METTL8: variants seen among roughly 807,000 people sequenced by gnomAD.
METTL8 encodes tRNA N(3)-cytidine methyltransferase METTL8, mitochondrial.
METTL8 carries 32 observed loss-of-function variants against 48.7 expected under a neutral mutation model. The observed-to-expected ratio is 0.66, with a 90% CI of 0.50 to 0.88. The LOEUF is 0.88. METTL8 is among the 40% of genes least tolerant of loss of function. The pLI, the probability that METTL8 is intolerant of heterozygous loss-of-function variation, is 0.00. For missense variants in METTL8, 464 were observed against 474.4 expected (o/e 0.98, Z 0.20); for synonymous variants, 136 against 157.1 (o/e 0.87, Z 1.01).
chr2:171,332,169 A>T (rs1685606014), intron 5 of METTL8: 2 of 235,334 alleles, frequency 8.5e-6, no homozygotes, highest in African/African-American at 4.5e-5. Flanking sequence ...TATAGGTGTG[A>T]GCCACTGTGC....
At chr2:171,391,878 G>C (rs1487703084) in intron 2 of METTL8, among the ~76,000 whole-genome samples, 165 bp downstream of exon 2, 1 of 152,178 alleles carries the variant, frequency 6.6e-6, no homozygotes, top group Non-Finnish European at 1.5e-5. Flanking sequence ...ATGAAATTCA[G>C]AATCAGCAAC....
intron 5 of METTL8, among the ~76,000 whole-genome samples, chr2:171,333,143 G>A (rs900538654): frequency 2.7e-5 from 4 of 149,148 alleles, no homozygotes; most frequent in Admixed American, 2.0e-4. Context: ...TTGTTGCCCA[G>A]GCTGGAGTGC....
intron 2 of METTL8, among the ~76,000 whole-genome samples, chr2:171,387,283 C>G (rs1219974260): frequency 2.0e-5 from 3 of 152,148 alleles, no homozygotes; most frequent in Non-Finnish European, 4.4e-5. Context: ...AGCCCCACAG[C>G]CTGCCCATCT....
At chr2:171,325,939 G>C (rs1684905410) in intron 8 of METTL8, 33 bp from the exon 9 acceptor site, 3 of 1,467,840 alleles carry the variant, frequency 2.0e-6, no homozygotes, top group South Asian at 1.2e-5. Flanking sequence ...AAACTCTTAA[G>C]GGTATTCCTT....
At chr2:171,394,510 T>G (rs919888072) in intron 1 of METTL8, among the ~76,000 whole-genome samples, 11 of 152,004 alleles carry the variant, frequency 7.2e-5, no homozygotes, top group African/African-American at 2.7e-4. Flanking sequence ...GTCAGAGAAA[T>G]GTGAATCTTG....
intron 2 of METTL8, among the ~76,000 whole-genome samples, chr2:171,385,249 TA>T (rs922693935): frequency 2.0e-5 from 3 of 147,140 alleles, no homozygotes; most frequent in South Asian, 2.1e-4. Flanking sequence ...CCCCCCTCTC[TA>T]AAAAAAATAA....
chr2:171,431,314 G>C (rs1198593441), intron 1 of METTL8, among the ~76,000 whole-genome samples: 18 of 152,192 alleles, frequency 1.2e-4, no homozygotes, highest in African/African-American at 4.3e-4. Context: ...CTGGAAGGAT[G>C]GGGTGGAGCC....
At chr2:171,390,577 GGAT>G (rs1417853117) in intron 2 of METTL8, among the ~76,000 whole-genome samples, 2 of 152,098 alleles carry the variant, frequency 1.3e-5, no homozygotes, top group Admixed American at 6.6e-5. Context: ...TGATTCTAAT[GGAT>G]GATAAGGGGT....
At chr2:171,351,858 T>G (rs1008724988) in intron 3 of METTL8, among the ~76,000 whole-genome samples, 3 of 152,216 alleles carry the variant, frequency 2.0e-5, no homozygotes, top group African/African-American at 7.2e-5. Context: ...TTAAGGAGAT[T>G]TTGGGCTGAG....
At chr2:171,375,229 TG>T in intron 2 of METTL8, 1 of 1,280,966 alleles carries the variant, frequency 7.8e-7, no homozygotes, top group Non-Finnish European at 1.1e-6. Flanking sequence ...AGGATGCACG[TG>T]GCCGCGGCCC....
intron 3 of METTL8, among the ~76,000 whole-genome samples, chr2:171,358,177 G>A (rs908942734): frequency 3.4e-4 from 52 of 151,828 alleles, no homozygotes; most frequent in Middle Eastern, 6.8e-3. Flanking sequence ...ATGACAAAAC[G>A]CTATCTCTAC....
intron 1 of METTL8, among the ~76,000 whole-genome samples, chr2:171,425,310 T>C (rs1293444988): frequency 2.0e-5 from 3 of 152,172 alleles, no homozygotes; most frequent in East Asian, 3.8e-4. Context: ...AGCAACTCTT[T>C]GTGGCAGCAG....
chr2:171,391,335 C>G (rs1002561367), intron 2 of METTL8, among the ~76,000 whole-genome samples: 1 of 152,310 alleles, frequency 6.6e-6, no homozygotes, highest in East Asian at 1.9e-4. Context: ...AATTGTGTGA[C>G]TCACTTTATT....
rs1363477414 is a variant in METTL8 at position 171,371,731 on chromosome 2, A to G, written c.144-11218T>C. 5.9e-5 allele frequency among the ~76,000 whole-genome samples: 9 copies of G among 152,190 alleles called. No individual in the cohort carries two copies. The South Asian group carries it at 1.9e-3, about 32-fold the overall frequency. ...CTGACAGCCTCAAACTCCTGAGTTCAAGCAATCTTTCGGCCTCAGCCTCCT... is the reference window on the plus strand; with the variant it reads ...CTGACAGCCTCAAACTCCTGAGTTCGAGCAATCTTTCGGCCTCAGCCTCCT... On this transcript the variant is annotated intron_variant, in intron 2 of 9. Transcript: ENST00000375258.
chr2:171,325,870 T>A lies in METTL8; in HGVS notation c.1004A>T (p.Asp335Val). ...CLSENFYVRGDGTRAYFFTKG... is the reference protein window; with the variant it reads ...CLSENFYVRGVGTRAYFFTKG... ...TGTAAAGAAATATGCTCTGGTACCA[T>A]CTCCTCGAACATAAAAATTTTCAGA... The change falls in exon 9 of 10, where the codon GAT (aspartate) becomes GTT (valine). Residue 335 changes from aspartate to valine, a missense_variant. Transcript: ENST00000375258. The A allele has an allele frequency of 6.3e-7, 1 of 1,599,290 alleles. No homozygotes were observed. Among genetic ancestry groups the A allele is most frequent in the Non-Finnish European group, 8.5e-7 (1 of 1,170,492 alleles).
intron 1 of METTL8, among the ~76,000 whole-genome samples, chr2:171,406,981 T>C (rs1466487603): frequency 6.6e-6 from 1 of 152,172 alleles, no homozygotes; most frequent in Non-Finnish European, 1.5e-5. Flanking sequence ...TGATTTCCTC[T>C]ACTACCTAGT....
chr2:171,336,831 C>T (rs1469533639), intron 5 of METTL8, among the ~76,000 whole-genome samples: 1 of 148,838 alleles, frequency 6.7e-6, no homozygotes, highest in African/African-American at 2.5e-5. Context: ...TTTAGCAGTT[C>T]ACAGCTCAGT....
At chr2:171,429,503 T>A (rs116549343) in intron 1 of METTL8, among the ~76,000 whole-genome samples, 2,905 of 152,322 alleles carry the variant, frequency 0.019, 50 homozygotes, top group Non-Finnish European at 0.029. Flanking sequence ...CCAACTAAAG[T>A]CTCATTGCTC....
At chr2:171,393,658 C>T (rs912544304) in intron 1 of METTL8, among the ~76,000 whole-genome samples, 1 of 152,142 alleles carries the variant, frequency 6.6e-6, no homozygotes, top group African/African-American at 2.4e-5. Context: ...TTCATCACAA[C>T]ATTCAGCCTA....
Sources: allele counts gnomAD v4.1 joint callset (sites outside exome capture counted in the v4.1 genomes callset), GRCh38; gene constraint gnomAD v4.1.1; transcripts MANE v1.5; gene names NCBI Gene and HGNC (gene_info 2026-07-23, HGNC 2026-07-21).